The following KATNIP variants were observed in gnomAD, a reference collection of about 807,000 sequenced individuals.
KATNIP encodes katanin interacting protein, also known as katanin-interacting protein.
In KATNIP, 126 loss-of-function variants were observed where a neutral mutation model predicts 174.0. The ratio of observed to expected loss-of-function variants is 0.72; its 90% CI spans 0.63 to 0.84. KATNIP has a LOEUF of 0.84. Among genes scored for constraint, KATNIP ranks in the 40% least tolerant of loss-of-function variants. KATNIP has a pLI of 0.00. For synonymous variants in KATNIP, 810 were observed against 835.7 expected, an observed-to-expected ratio of 0.97 and a Z score of 0.53; for missense variants, 1,958 against 2,109.7, an observed-to-expected ratio of 0.93 and a Z score of 1.41.
intron 2 of KATNIP, among the ~76,000 whole-genome samples, chr16:27,599,224 G>A (rs2075435761): frequency 6.6e-6 from 1 of 152,314 alleles, no homozygotes; most frequent in Non-Finnish European, 1.5e-5. Context: ...GGGAGGAAGT[G>A]GACCTTAACT....
At chr16:27,625,655 G>A (rs2076310093) in intron 3 of KATNIP, among the ~76,000 whole-genome samples, 1 of 152,174 alleles carries the variant, frequency 6.6e-6, no homozygotes, top group South Asian at 2.1e-4. Context: ...GTGAAAAGAT[G>A]AATGTATCAG....
At chr16:27,615,293 CT>C (rs528705562) in intron 2 of KATNIP, among the ~76,000 whole-genome samples, 575 of 129,364 alleles carry the variant, frequency 4.4e-3, no homozygotes, top group African/African-American at 8.0e-3. Flanking sequence ...CACATCTGGC[CT>C]TTTTTTTTTT....
chr16:27,577,584 CG>C (rs1170757135), intron 2 of KATNIP, among the ~76,000 whole-genome samples: 3 of 152,026 alleles, frequency 2.0e-5, no homozygotes, highest in Admixed American at 6.6e-5. Flanking sequence ...CCCAGCTACT[CG>C]GGAGGCTGAA....
chr16:27,604,924 TTTG>T (rs974539482), intron 2 of KATNIP, among the ~76,000 whole-genome samples: 5 of 152,232 alleles, frequency 3.3e-5, no homozygotes, highest in South Asian at 4.1e-4. Context: ...TCATTCAAGT[TTTG>T]TTGTTGTTGT....
At chr16:27,591,215 T>G (rs901578949) in intron 2 of KATNIP, among the ~76,000 whole-genome samples, 1 of 151,860 alleles carries the variant, frequency 6.6e-6, no homozygotes, top group Non-Finnish European at 1.5e-5. Flanking sequence ...AGACGGAGTC[T>G]CGCTCTGTCA....
chr16:27,759,149 G>T, intron 18 of KATNIP, among the ~76,000 whole-genome samples: 1 of 152,272 alleles, frequency 6.6e-6, no homozygotes, highest in East Asian at 1.9e-4. Flanking sequence ...GCACTGTTCT[G>T]GGCTCCGGGG....
intron 12 of KATNIP, among the ~76,000 whole-genome samples, chr16:27,704,892 CTTTTCTTTT>C (rs1405883302): frequency 4.2e-5 from 6 of 141,570 alleles, no homozygotes; most frequent in African/African-American, 1.0e-4. Context: ...GATTTTCGTT[CTTTTCTTTT>C]TTTTCTTTTT....
chr16:27,724,549 G>C (rs2080368498), intron 14 of KATNIP, among the ~76,000 whole-genome samples: 1 of 152,152 alleles, frequency 6.6e-6, no homozygotes, highest in South Asian at 2.1e-4. Flanking sequence ...TGGGTGCTTG[G>C]GGGAGCTGTT....
intron 2 of KATNIP, among the ~76,000 whole-genome samples, chr16:27,585,062 G>C (rs895605391): frequency 6.6e-6 from 1 of 152,120 alleles, no homozygotes; most frequent in Admixed American, 6.5e-5. Context: ...CCAAACTCCT[G>C]TGACCACAGG....
intron 1 of KATNIP, among the ~76,000 whole-genome samples, chr16:27,556,980 A>G (rs1173287648): frequency 6.6e-6 from 1 of 151,882 alleles, no homozygotes; most frequent in Admixed American, 6.6e-5. Context: ...GTCGGCCCAT[A>G]ATGTTTTGCT....
At chr16:27,561,516 A>G (rs1567437058) in intron 1 of KATNIP, among the ~76,000 whole-genome samples, 1 of 152,236 alleles carries the variant, frequency 6.6e-6, no homozygotes, top group Middle Eastern at 3.4e-3. Context: ...TTCAGAGCCC[A>G]CTGCTACCTT....
rs761140224 is a variant in KATNIP, at chr16:27,648,712, A to G, written c.517A>G (p.Asn173Asp). The G allele has an allele frequency of 1.2e-6, 2 of 1,613,946 alleles. No homozygotes were observed. The highest frequency in any genetic ancestry group is 1.3e-5 in the African/African-American group (1 of 74,922). ...LCGDVTLQAN[N>D]TSEDRPQELR... is the part of the protein sequence containing the mutation. Reference sequence around the variant, plus strand: ...TGGGGATGTGACTCTCCAGGCAAACAACACTTCTGAGGATCGTCCGCAGGT... The same window carrying G: ...TGGGGATGTGACTCTCCAGGCAAACGACACTTCTGAGGATCGTCCGCAGGT... Residue 173 changes from asparagine (N) to aspartate (D), a missense_variant, in exon 6 of 28, where the codon AAC becomes GAC. By Grantham distance (23) the Asn-to-Asp change is conservative. Transcript: ENST00000261588.
chr16:27,708,023 C>G (rs1374386317), intron 12 of KATNIP, among the ~76,000 whole-genome samples: 1 of 144,488 alleles, frequency 6.9e-6, no homozygotes, highest in Non-Finnish European at 1.5e-5. Context: ...CAGCCCGTAA[C>G]CTTTTTTTTT....
intron 16 of KATNIP, 57 bp from the exon 17 acceptor site, chr16:27,751,662 A>G: frequency 6.4e-7 from 1 of 1,556,146 alleles, no homozygotes; most frequent in Admixed American, 1.7e-5. Flanking sequence ...CTCTTGATCT[A>G]CAAATCTCTG....
intron 2 of KATNIP, among the ~76,000 whole-genome samples, chr16:27,596,314 G>A (rs1230122681): frequency 1.3e-5 from 2 of 151,972 alleles, no homozygotes; most frequent in Admixed American, 6.6e-5. Flanking sequence ...GGGTGGGAGA[G>A]AGAGAAAAAA....
intron 13 of KATNIP, among the ~76,000 whole-genome samples, chr16:27,720,339 C>T (rs2080168470): frequency 1.3e-5 from 2 of 152,202 alleles, no homozygotes; most frequent in South Asian, 4.1e-4. Context: ...GATCCACCTG[C>T]CTCCACCTCC....
intron 14 of KATNIP, among the ~76,000 whole-genome samples, chr16:27,735,814 T>C (rs1369160099): frequency 2.6e-5 from 4 of 152,068 alleles, no homozygotes; most frequent in Non-Finnish European, 5.9e-5. Flanking sequence ...TAGGTGAACA[T>C]CTCCAGGGTC....
intron 8 of KATNIP, among the ~76,000 whole-genome samples, chr16:27,690,738 C>T (rs1179379289): frequency 2.0e-5 from 3 of 152,170 alleles, no homozygotes; most frequent in Non-Finnish European, 4.4e-5. Flanking sequence ...TGCCACACAA[C>T]ATAGTGTACA....
intron 5 of KATNIP, among the ~76,000 whole-genome samples, chr16:27,642,232 A>G (rs1225604107): frequency 1.3e-5 from 2 of 152,236 alleles, no homozygotes; most frequent in African/African-American, 4.8e-5. Flanking sequence ...TTGTAGGGAC[A>G]TGGATGAAGC....
Sources: allele counts gnomAD v4.1 joint callset (sites outside exome capture counted in the v4.1 genomes callset), GRCh38; gene constraint gnomAD v4.1.1; transcripts MANE v1.5; gene names NCBI Gene and HGNC (gene_info 2026-07-23, HGNC 2026-07-21).